CARF: variants seen among roughly 807,000 people sequenced by gnomAD.
CARF encodes calcium responsive transcription factor.
Under a neutral mutation model 82.0 loss-of-function variants are expected in CARF, and 57 were observed. That is an observed-to-expected ratio of 0.70 (90% CI 0.56 to 0.87). The LOEUF is 0.87. CARF is among the 40% of genes least tolerant of loss of function. The probability of loss-of-function intolerance (pLI) is 0.00; values close to 1 mark genes in which losing one functional copy is unlikely to be tolerated. For synonymous variants in CARF, 268 were observed against 290.1 expected (o/e 0.92, Z 0.77); for missense variants, 771 against 855.8 (o/e 0.90, Z 1.24).
chr2:202,966,571 G>A (rs755201171), intron 9 of CARF, among the ~76,000 whole-genome samples: 4 of 152,086 alleles, frequency 2.6e-5, no homozygotes, highest in African/African-American at 4.8e-5. Context: ...TTAGCCTGGC[G>A]TGGTGGCACA....
At chr2:202,917,679 A>C (rs1690000270) in intron 1 of CARF, among the ~76,000 whole-genome samples, 198 bp from the exon 2 acceptor site, 1 of 152,174 alleles carries the variant, frequency 6.6e-6, no homozygotes, top group Non-Finnish European at 1.5e-5. Flanking sequence ...GCACAGAGAG[A>C]TTGTCACCTG....
At chr2:202,962,836 A>G (rs901926474) in intron 9 of CARF, 1 of 152,204 alleles carries the variant, frequency 6.6e-6, no homozygotes, top group South Asian at 2.1e-4. Flanking sequence ...CCAAACCACA[A>G]GTATTTTTCT....
chr2:202,950,470 A>C (rs182929657), intron 5 of CARF, among the ~76,000 whole-genome samples: 1 of 152,290 alleles, frequency 6.6e-6, no homozygotes, highest in East Asian at 1.9e-4. Flanking sequence ...ATTTAATCTT[A>C]TTATAAGGGG....
At chr2:202,968,907 C>A (rs1018689502) in intron 10 of CARF, among the ~76,000 whole-genome samples, 2 of 152,108 alleles carry the variant, frequency 1.3e-5, no homozygotes, top group Non-Finnish European at 1.5e-5. Flanking sequence ...AAAGAAAGTA[C>A]AATTTAAACT....
intron 11 of CARF, among the ~76,000 whole-genome samples, chr2:202,971,191 T>G (rs1291321228): frequency 2.0e-5 from 3 of 152,148 alleles, no homozygotes. Context: ...ATACAATTAA[T>G]ATGAAATTTA....
rs1480902074 is a variant in CARF at position 202,983,898 on chromosome 2, A to G, written c.*274A>G. On this transcript the variant is annotated 3_prime_UTR_variant, in exon 17 of 17. Coordinates refer to ENST00000438828, the MANE Select transcript of CARF (RefSeq NM_024744.17). ...CTGTTCTGAATTTATCCACAGTAATATAGTCTGAACACAAATAGTTTACTT... is the reference window on the plus strand; with the variant it reads ...CTGTTCTGAATTTATCCACAGTAATGTAGTCTGAACACAAATAGTTTACTT... The G allele has an allele frequency of 3.1e-6, 1 of 317,948 alleles. No homozygotes were observed. Among genetic ancestry groups the G allele is most frequent in the Non-Finnish European group, 5.7e-6 (1 of 175,814 alleles). The allele number at this position is 317,948 out of a possible 1,614,324, so 19.7% of individuals were successfully genotyped here.
Position 202,952,563 on chromosome 2 carries a change from T to C in CARF, c.311T>C (p.Ile104Thr). The C allele has an allele frequency of 1.2e-6, 2 of 1,613,398 alleles. No individual in the cohort carries two copies. The highest frequency in any genetic ancestry group is 1.7e-6 in the Non-Finnish European group (2 of 1,179,712). ...TTTTTTTTTAATGCTTCCAAGATGA[T>C]CGTTGCCAGCCCAACAGAAAATGGA... is the stretch of plus-strand genomic sequence containing the variant. ...SLGESNAQMM[I>T]VASPTENGQV... is the part of the protein sequence containing the mutation. The change falls in exon 6 of 17, where the codon ATC (isoleucine) becomes ACC (threonine). Residue 104 changes from isoleucine (I) to threonine (T), a missense_variant. Physicochemically the swap from Ile to Thr is moderately conservative, Grantham distance 89 (BLOSUM62 -1). Coordinates refer to ENST00000438828, the MANE Select transcript of CARF (RefSeq NM_024744.17).
intron 10 of CARF, among the ~76,000 whole-genome samples, chr2:202,969,678 C>G (rs2052944): frequency 0.89 from 135,789 of 152,024 alleles, 61,203 homozygotes; most frequent in Non-Finnish European, 0.95. Flanking sequence ...GGCAAATCTA[C>G]GGGAAAAAAA....
At chr2:202,954,608 G>T (rs948481137) in intron 7 of CARF, among the ~76,000 whole-genome samples, 19 of 151,860 alleles carry the variant, frequency 1.3e-4, no homozygotes. Flanking sequence ...AGCTACTTGG[G>T]AGGCTGAGGC....
rs999160831 is a variant in CARF, at chr2:202,920,579, A to T, written c.-163+2536A>T. The stretch of plus-strand genomic sequence containing the variant: ...TCATGTTTAGACAGTGAATATTCAG[A>T]TTACTTTAAAAATTAAGCCAGGTGC... On this transcript the variant is annotated intron_variant, in intron 2 of 16. Coordinates refer to ENST00000438828, the MANE Select transcript of CARF (RefSeq NM_024744.17). 2.0e-5 allele frequency among the ~76,000 whole-genome samples: 3 copies of T among 152,064 alleles called. No individual in the cohort carries two copies. In the South Asian group the frequency reaches 6.2e-4, roughly 32 times the overall value.
intron 1 of CARF, among the ~76,000 whole-genome samples, chr2:202,917,650 AT>A (rs1383381965): frequency 6.6e-6 from 1 of 152,172 alleles, no homozygotes; most frequent in Non-Finnish European, 1.5e-5. Flanking sequence ...CAAATACCTG[AT>A]TTTAGACAAG....
At position 202,985,982 on chromosome 2, in the gene CARF, T is replaced by TA. The variant is rs2060416281; in HGVS notation, c.*2359dup. On this transcript the variant is annotated 3_prime_UTR_variant, in exon 17 of 17. Coordinates refer to ENST00000438828, the MANE Select transcript of CARF (RefSeq NM_024744.17). Reference sequence around the variant, plus strand: ...GATTCTGTGTGAATGTCTCTTCTGATACTGTTTTTTAATCAGAAAGTTACA... The same window carrying TA: ...GATTCTGTGTGAATGTCTCTTCTGATAACTGTTTTTTAATCAGAAAGTTACA... 1 of 152,104 alleles carries TA rather than the reference T, an allele frequency of 6.6e-6. No homozygotes were observed. Among genetic ancestry groups the TA allele is most frequent in the Admixed American group, 6.5e-5 (1 of 15,268 alleles). 9.4% of individuals were successfully genotyped at this position (152,104 alleles called of 1,614,324 possible).
intron 9 of CARF, 130 bp from the exon 10 acceptor site, chr2:202,966,848 C>T: frequency 1.3e-6 from 1 of 755,084 alleles, no homozygotes; most frequent in East Asian, 2.6e-5. Flanking sequence ...GTAAGACTTA[C>T]TAATGTTTTC....
chr2:202,964,802 AATT>A (rs2059473508), intron 9 of CARF, among the ~76,000 whole-genome samples: 1 of 151,098 alleles, frequency 6.6e-6, no homozygotes, highest in Non-Finnish European at 1.5e-5. Context: ...TTCCATCTGT[AATT>A]ACTAAAGTAT....
intron 1 of CARF, among the ~76,000 whole-genome samples, chr2:202,917,038 GTC>G (rs985286104): frequency 1.6e-4 from 25 of 151,732 alleles, no homozygotes; most frequent in Non-Finnish European, 3.1e-4. Flanking sequence ...GTGAAACCCT[GTC>G]TCTACTGAAA....
In CARF at chr2:202,955,654, A is replaced by G. The variant is rs1312969394; in HGVS notation, c.558-20A>G. 2 of 1,568,848 alleles carry G rather than the reference A, an allele frequency of 1.3e-6. No homozygotes were observed. The highest frequency in any genetic ancestry group is 1.8e-5 in the Admixed American group (1 of 54,448). ...TGTTCATTGAACTGCATATTTATAT[A>G]TATTCCTCTCCTATCCCAGAATGCT... On this transcript the variant is annotated intron_variant, in intron 7 of 16. Transcript: ENST00000438828.
chr2:202,936,376 AG>A (rs1693949698), intron 3 of CARF, among the ~76,000 whole-genome samples: 1 of 152,188 alleles, frequency 6.6e-6, no homozygotes, highest in African/African-American at 2.4e-5. Flanking sequence ...TGCCATGTAG[AG>A]CTTCAAAACA....
At chr2:202,929,368 A>G (rs951944637) in intron 3 of CARF, among the ~76,000 whole-genome samples, 2 of 152,270 alleles carry the variant, frequency 1.3e-5, no homozygotes, top group Non-Finnish European at 2.9e-5. Context: ...ATATATGGTG[A>G]GAGCTAGGGG....
intron 14 of CARF, among the ~76,000 whole-genome samples, chr2:202,977,954 T>TTCAGCC (rs1283310189): frequency 6.6e-6 from 1 of 152,212 alleles, no homozygotes; most frequent in African/African-American, 2.4e-5. Flanking sequence ...CAAGTGGTTC[T>TTCAGCC]TCAGCCTCAG....
Sources: allele counts gnomAD v4.1 joint callset (sites outside exome capture counted in the v4.1 genomes callset), GRCh38; gene constraint gnomAD v4.1.1; transcripts MANE v1.5; gene names NCBI Gene and HGNC (gene_info 2026-07-23, HGNC 2026-07-21).